The following KCND3 variants were observed in gnomAD, a reference collection of about 807,000 sequenced individuals.
KCND3 encodes the protein potassium voltage-gated channel subfamily D member 3.
A neutral mutation model predicts 51.1 loss-of-function variants in KCND3; 9 were observed. The observed-to-expected ratio is 0.18, with a 90% confidence interval of 0.11 to 0.31. The LOEUF is 0.31. Ranked by LOEUF, KCND3 falls within the 10% of genes least tolerant of loss-of-function variation. KCND3 has a pLI of 1.00. For missense variants in KCND3, 526 were observed against 903.8 expected, an observed-to-expected ratio of 0.58 and a Z score of 5.36; for synonymous variants, 349 against 368.0, an observed-to-expected ratio of 0.95 and a Z score of 0.59.
In KCND3 at chr1:111,774,516, A is replaced by G. The variant is rs1469445800; in HGVS notation, c.*1561T>C. On this transcript the variant is annotated 3_prime_UTR_variant, in exon 8 of 8. Transcript: ENST00000302127. Reference sequence around the variant, plus strand: ...ACCAGGGTGCAAGCTAGTTGAATAGATATGTTGTCCAGGTGTTCAAGAAAT... The same window carrying G: ...ACCAGGGTGCAAGCTAGTTGAATAGGTATGTTGTCCAGGTGTTCAAGAAAT... 6.6e-6 allele frequency: 1 copy of G among 152,210 alleles called. No individual in the cohort carries two copies. The highest frequency in any genetic ancestry group is 1.5e-5 in the Non-Finnish European group (1 of 68,046). The allele number at this position is 152,210 out of a possible 1,614,324, so 9.4% of individuals were successfully genotyped here.
intron 1 of KCND3, among the ~76,000 whole-genome samples, chr1:111,987,554 T>C (rs1024607304): frequency 1.3e-5 from 2 of 152,086 alleles, no homozygotes; most frequent in African/African-American, 4.8e-5. Flanking sequence ...CCAGATACCA[T>C]ATCCAAGGCC....
intron 2 of KCND3, among the ~76,000 whole-genome samples, chr1:111,885,133 T>C (rs1669509297): frequency 6.6e-6 from 1 of 152,224 alleles, no homozygotes; most frequent in Non-Finnish European, 1.5e-5. Flanking sequence ...AGTGAGATAT[T>C]TGATAGATTT....
chr1:111,792,214 C>A (rs116158639), intron 2 of KCND3, among the ~76,000 whole-genome samples: 241 of 152,314 alleles, frequency 1.6e-3, no homozygotes, highest in African/African-American at 5.5e-3. Context: ...TGTACCAGAG[C>A]CTGTGCTAGG....
intron 2 of KCND3, among the ~76,000 whole-genome samples, chr1:111,883,243 A>G (rs766098961): frequency 2.6e-5 from 4 of 152,270 alleles, no homozygotes; most frequent in Non-Finnish European, 5.9e-5. Context: ...ACTTCACTGA[A>G]TACTCATATC....
intron 2 of KCND3, among the ~76,000 whole-genome samples, chr1:111,816,124 G>T (rs2101585976): frequency 6.6e-6 from 1 of 152,360 alleles, no homozygotes; most frequent in East Asian, 1.9e-4. Flanking sequence ...AGAAACAAAG[G>T]CATAGGGCAT....
At chr1:111,838,122 TG>T (rs2101634483) in intron 2 of KCND3, among the ~76,000 whole-genome samples, 1 of 152,302 alleles carries the variant, frequency 6.6e-6, no homozygotes, top group Non-Finnish European at 1.5e-5. Flanking sequence ...CGTGATGTAC[TG>T]TTTGGAAGGA....
chr1:111,934,632 G>A (rs76184264), intron 2 of KCND3, among the ~76,000 whole-genome samples: 1 of 152,324 alleles, frequency 6.6e-6, no homozygotes, highest in East Asian at 1.9e-4. Flanking sequence ...GTAGGCATGT[G>A]AGTGTGTGCA....
At chr1:111,959,921 TCTCCCC>T (rs1459921824) in intron 2 of KCND3, among the ~76,000 whole-genome samples, 10 of 151,972 alleles carry the variant, frequency 6.6e-5, no homozygotes, top group Non-Finnish European at 1.5e-4. Flanking sequence ...ATGGGGGTGG[TCTCCCC>T]CATGCTATTC....
chr1:111,876,526 T>C (rs1669058167), intron 2 of KCND3, among the ~76,000 whole-genome samples: 1 of 152,216 alleles, frequency 6.6e-6, no homozygotes, highest in South Asian at 2.1e-4. Context: ...CTACCCTGAC[T>C]TCAGCCAGTG....
chr1:111,901,467 A>G (rs893057972), intron 2 of KCND3, among the ~76,000 whole-genome samples: 6 of 152,194 alleles, frequency 3.9e-5, no homozygotes, highest in African/African-American at 1.4e-4. Context: ...CAAAACTTTC[A>G]TTTGTTTCTT....
In KCND3 at chr1:111,826,710, C is replaced by T. The variant is rs79130541; in HGVS notation, c.1107-39604G>A. Among the ~76,000 whole-genome samples the T allele has an allele frequency of 2.1e-3, 314 of 152,248 alleles. 3 individuals carry two copies. Among genetic ancestry groups the T allele is most frequent in the African/African-American group, 6.9e-3 (287 of 41,542 alleles). The stretch of plus-strand genomic sequence containing the variant: ...TCAGGGTTTCAATAGGACAGTGGCG[C>T]CTCAGAGCAAAATCCCTACTACTGG... On this transcript the variant is annotated intron_variant, in intron 2 of 7. Coordinates refer to ENST00000302127, the MANE Select transcript of KCND3 (RefSeq NM_001378969.1).
chr1:111,924,999 AC>A (rs1343423810), intron 2 of KCND3, among the ~76,000 whole-genome samples: 1 of 152,178 alleles, frequency 6.6e-6, no homozygotes, highest in Non-Finnish European at 1.5e-5. Context: ...CTTGTGGGCA[AC>A]CCGACCTATC....
At chr1:111,801,736 T>G (rs1665322054) in intron 2 of KCND3, among the ~76,000 whole-genome samples, 1 of 152,242 alleles carries the variant, frequency 6.6e-6, no homozygotes, top group Non-Finnish European at 1.5e-5. Context: ...AAATCTGATC[T>G]GGCATTCCCC....
chr1:111,928,626 G>A (rs1671822106), intron 2 of KCND3, among the ~76,000 whole-genome samples: 1 of 152,248 alleles, frequency 6.6e-6, no homozygotes, highest in Non-Finnish European at 1.5e-5. Flanking sequence ...CAAGCAGGGA[G>A]CCCCAAAACT....
chr1:111,808,299 T>C (rs1665673123), intron 2 of KCND3, among the ~76,000 whole-genome samples: 1 of 152,228 alleles, frequency 6.6e-6, no homozygotes, highest in Non-Finnish European at 1.5e-5. Flanking sequence ...ACTCCATTTC[T>C]CTGAATTTTC....
intron 2 of KCND3, among the ~76,000 whole-genome samples, chr1:111,847,937 G>A (rs946756181): frequency 6.6e-6 from 1 of 152,168 alleles, no homozygotes; most frequent in African/African-American, 2.4e-5. Flanking sequence ...GCCCCTCCCT[G>A]AGCTCCCATG....
chr1:111,930,706 T>G (rs975672572), intron 2 of KCND3, among the ~76,000 whole-genome samples: 5 of 151,696 alleles, frequency 3.3e-5, no homozygotes, highest in African/African-American at 1.2e-4. Context: ...TGCTGAATCA[T>G]CATGTAATTG....
chr1:111,986,992 T>G (rs1031408077), intron 1 of KCND3, among the ~76,000 whole-genome samples: 3 of 152,100 alleles, frequency 2.0e-5, no homozygotes, highest in Non-Finnish European at 2.9e-5. Context: ...TCCTGTTTTA[T>G]CCCAGAATAA....
chr1:111,916,654 G>A (rs1671231839), intron 2 of KCND3, among the ~76,000 whole-genome samples: 1 of 152,064 alleles, frequency 6.6e-6, no homozygotes, highest in South Asian at 2.1e-4. Flanking sequence ...TTAAAAAAAT[G>A]CCAGACTAAT....
Sources: gnomAD v4.1 joint callset for allele counts (sites outside exome capture counted in the v4.1 genomes callset) on GRCh38, gnomAD v4.1.1 for gene constraint, MANE v1.5 for transcripts, NCBI Gene and HGNC (gene_info 2026-07-23, HGNC 2026-07-21) for gene names.